The following CRMP1 variants were observed in gnomAD, a reference collection of about 807,000 sequenced individuals.
CRMP1 encodes collapsin response mediator protein 1.
CRMP1 carries 19 observed loss-of-function variants against 68.3 expected under a neutral mutation model. The observed-to-expected ratio is 0.28, with a 90% CI of 0.19 to 0.41. The LOEUF (loss-of-function observed/expected upper bound fraction) is 0.41. Ranked by LOEUF, CRMP1 falls within the 10% of genes least tolerant of loss-of-function variation. The pLI, the probability that CRMP1 is intolerant of heterozygous loss-of-function variation, is 1.00. For missense variants in CRMP1, 791 were observed against 967.4 expected (o/e 0.82, Z 2.42); for synonymous variants, 439 against 399.6 (o/e 1.10, Z -1.18).
chr4:5,844,190 G>C (rs1712009963), intron 6 of CRMP1, among the ~76,000 whole-genome samples: 1 of 152,164 alleles, frequency 6.6e-6, no homozygotes, highest in Non-Finnish European at 1.5e-5. Flanking sequence ...TAACAGCTGG[G>C]TAGATTGAAG....
chr4:5,847,187 A>G (rs538647219), intron 6 of CRMP1, among the ~76,000 whole-genome samples: 2 of 152,206 alleles, frequency 1.3e-5, no homozygotes, highest in East Asian at 1.9e-4. Flanking sequence ...CAGGTCCACC[A>G]CTGCATGTTG....
rs937649261 is a variant in CRMP1 at position 5,891,243 on chromosome 4, C to T, written c.381+1346G>A. Among the ~76,000 whole-genome samples, 1 of 148,414 alleles carries T rather than the reference C, an allele frequency of 6.7e-6. No individual in the cohort carries two copies. Among genetic ancestry groups the T allele is most frequent in the Non-Finnish European group, 1.5e-5 (1 of 66,724 alleles). ...GCTGTTGGACCTCTCCCTCGCGAGG[C>T]TCCGGCTTCAGGACCACGGAGAGCT... On this transcript the variant is annotated intron_variant, in intron 1 of 13. Transcript: ENST00000324989. This position sits in a 1 kb window ranked among gnomAD's most constrained non-coding sequence, Gnocchi z 5.2.
chr4:5,836,390 C>T (rs749719248), intron 10 of CRMP1, among the ~76,000 whole-genome samples: 7 of 152,182 alleles, frequency 4.6e-5, no homozygotes, highest in Non-Finnish European at 8.8e-5. Context: ...AGAGTGAGAC[C>T]CAGCTCTTCC....
At chr4:5,836,983 G>A (rs1394729942) in intron 9 of CRMP1, 77 bp from the exon 10 acceptor site, 1 of 1,480,512 alleles carries the variant, frequency 6.8e-7, no homozygotes, top group Non-Finnish European at 9.1e-7. Context: ...ACAGGTACAT[G>A]CAGCACAGCC....
intron 12 of CRMP1, among the ~76,000 whole-genome samples, chr4:5,827,044 C>A (rs1719746888): frequency 6.6e-6 from 1 of 152,210 alleles, no homozygotes; most frequent in Non-Finnish European, 1.5e-5. Flanking sequence ...TGGCCAGAGG[C>A]AGGCTCTGAT....
At chr4:5,851,754 A>AAGGAGGAGGATGAAG in intron 4 of CRMP1, among the ~76,000 whole-genome samples, 1 of 143,340 alleles carries the variant, frequency 7.0e-6, no homozygotes, top group Admixed American at 6.9e-5. Context: ...GGAAGAGGAG[A>AAGGAGGAGGATGAAG]AGGAGGAGGA....
chr4:5,870,195 T>C lies in CRMP1; in HGVS notation c.382-3439A>G, dbSNP rs1714341351. On this transcript the variant is annotated intron_variant, in intron 1 of 13. Transcript: ENST00000324989. This position sits in a 1 kb window ranked among gnomAD's most constrained non-coding sequence, Gnocchi z 6.0. ...ACTTGCTTTGGGCCCTGCTTGATGT[T>C]ACTTATCTGAGTGCCCTCCGCTCGA... Among the ~76,000 whole-genome samples the C allele has an allele frequency of 6.6e-6, 1 of 152,222 alleles. No individual in the cohort carries two copies. The highest frequency in any genetic ancestry group is 2.1e-4 in the South Asian group (1 of 4,820).
chr4:5,861,166 A>G lies in CRMP1; in HGVS notation c.515T>C (p.Ile172Thr), dbSNP rs1196992053. The change falls in exon 3 of 14, where the codon ATT (isoleucine) becomes ACT (threonine). Residue 172 changes from isoleucine to threonine, a missense_variant. This residue lies in a region of CRMP1 where 594 missense variants were observed against 763.6 expected (regional missense o/e 0.78). Transcript: ENST00000324989. This position sits in a 1 kb window ranked among gnomAD's most constrained non-coding sequence, Gnocchi z 6.0. The part of the protein sequence containing the change: ...NLIVPGGVKT[I>T]EANGRMVIPG... ...AATAACCATCCGCCCGTTGGCTTCA[A>G]TGGTCTTCACTCCACCAGGAACGAT... 1 of 1,614,088 alleles carries G rather than the reference A, an allele frequency of 6.2e-7. No individual in the cohort carries two copies. Among genetic ancestry groups the G allele is most frequent in the Non-Finnish European group, 8.5e-7 (1 of 1,180,040 alleles).
Position 5,860,118 on chromosome 4 carries a change from CT to C in CRMP1, c.655+907del, listed in dbSNP as rs1325122300. ...CTCACTGCCCGCAGTGTTTCCTTCC[CT>C]CCCCAACCTCACCAGGGCTCTCTGT... On this transcript the variant is annotated intron_variant, in intron 3 of 13. Transcript: ENST00000324989. This position sits in a 1 kb window ranked among gnomAD's most constrained non-coding sequence, Gnocchi z 4.2. Among the ~76,000 whole-genome samples, 1 of 152,126 alleles carries C rather than the reference CT, an allele frequency of 6.6e-6. No homozygotes were observed. The highest frequency in any genetic ancestry group is 1.9e-4 in the East Asian group (1 of 5,162).
intron 8 of CRMP1, among the ~76,000 whole-genome samples, 171 bp from the exon 9 acceptor site, chr4:5,839,849 C>T (rs980570154): frequency 4.6e-5 from 7 of 152,218 alleles, no homozygotes; most frequent in South Asian, 2.1e-4. Flanking sequence ...CTTGGGTGTC[C>T]GGGCCCAGCT....
Position 5,892,066 on chromosome 4 carries a change from C to T in CRMP1, c.381+523G>A, listed in dbSNP as rs867250316. Among the ~76,000 whole-genome samples, 1 of 152,236 alleles carries T rather than the reference C, an allele frequency of 6.6e-6. No homozygotes were observed. The highest frequency in any genetic ancestry group is 2.1e-4 in the South Asian group (1 of 4,824). Reference sequence around the variant, plus strand: ...CCCCAGCAAGCATGAGGGGAGCGCTCGGAAAAAAAGCTCCTTCCAGCTTTA... The same window carrying T: ...CCCCAGCAAGCATGAGGGGAGCGCTTGGAAAAAAAGCTCCTTCCAGCTTTA... On this transcript the variant is annotated intron_variant, in intron 1 of 13. Transcript: ENST00000324989. The surrounding 1 kb of genome is among the most constrained non-coding windows in gnomAD (Gnocchi z 8.6).
chr4:5,871,190 T>A (rs1714412617), intron 1 of CRMP1, among the ~76,000 whole-genome samples: 1 of 152,112 alleles, frequency 6.6e-6, no homozygotes, highest in South Asian at 2.1e-4. Context: ...TCTGAAAAAA[T>A]AAGCCCACAG....
chr4:5,840,429 C>G (rs541345144), intron 8 of CRMP1, among the ~76,000 whole-genome samples: 2 of 152,328 alleles, frequency 1.3e-5, no homozygotes, highest in East Asian at 3.9e-4. Flanking sequence ...CCCGAGACCC[C>G]CTGCTGCCCT....
At chr4:5,835,186 G>A (rs1417617890) in intron 11 of CRMP1, among the ~76,000 whole-genome samples, 1 of 152,226 alleles carries the variant, frequency 6.6e-6, no homozygotes, top group African/African-American at 2.4e-5. Context: ...ACTACTTCTG[G>A]CCTGTGTGCT....
chr4:5,856,837 A>C (rs1713107861), intron 3 of CRMP1, among the ~76,000 whole-genome samples: 1 of 146,012 alleles, frequency 6.8e-6, no homozygotes, highest in African/African-American at 2.6e-5. Context: ...ATCCACTATT[A>C]TCACCACTAT....
At chr4:5,829,358 C>T (rs970565290) in intron 11 of CRMP1, among the ~76,000 whole-genome samples, 1 of 152,144 alleles carries the variant, frequency 6.6e-6, no homozygotes, top group Non-Finnish European at 1.5e-5. Flanking sequence ...CACTGCACTC[C>T]AGCCTGGGGG....
rs1225976512 is a variant in CRMP1, at chr4:5,893,078, C to A, written c.-109G>T. 6 of 768,576 alleles carry A rather than the reference C, an allele frequency of 7.8e-6. No individual in the cohort carries two copies. The Admixed American group carries it at 3.2e-4, about 41-fold the overall frequency. The allele number at this position is 768,576 out of a possible 1,614,324, so 47.6% of individuals were successfully genotyped here. A position where few individuals can be genotyped will look rare whatever the true frequency, so the allele number is the denominator to read the frequency against. ...CGGTGCGGGCCTGCGGCGGCCCGGG[C>A]GCGACTGCGGCCCAGGGAGGGGAGG... On this transcript the variant is annotated 5_prime_UTR_variant, in exon 1 of 14. Transcript: ENST00000324989.
chr4:5,821,794 G>C lies in CRMP1; in HGVS notation c.2027C>G (p.Pro676Arg). The stretch of plus-strand genomic sequence containing the variant: ...GCTGGTGATGTTGGAGCGGCCACCA[G>C]GGGGCGCCACGATGCGGTGGCCGGT... ...RRTGHRIVAP[P>R]GGRSNITSLG is the part of the protein sequence containing the mutation. The change falls in exon 14 of 14, where the codon CCT becomes CGT. Residue 676 changes from proline (P) to arginine (R), a missense_variant. Physicochemically the swap from Pro to Arg is moderately radical, Grantham distance 103. This residue lies in a region of CRMP1 where 594 missense variants were observed against 763.6 expected (regional missense o/e 0.78). Coordinates refer to ENST00000324989, the MANE Select transcript of CRMP1 (RefSeq NM_001014809.3). The surrounding 1 kb of genome is among the most constrained non-coding windows in gnomAD (Gnocchi z 4.4). 2 of 1,610,972 alleles carry C rather than the reference G, an allele frequency of 1.2e-6. No homozygotes were observed. Among genetic ancestry groups the C allele is most frequent in the Non-Finnish European group, 8.5e-7 (1 of 1,178,798 alleles).
intron 3 of CRMP1, among the ~76,000 whole-genome samples, chr4:5,857,316 T>C (rs1179791208): frequency 6.6e-6 from 1 of 151,350 alleles, no homozygotes; most frequent in African/African-American, 2.4e-5. Flanking sequence ...ATCACCATCA[T>C]CATCATCCCT....
Sources: gnomAD v4.1 joint callset for allele counts (sites outside exome capture counted in the v4.1 genomes callset) on GRCh38, gnomAD v4.1.1 for gene constraint, gnomAD v4.1.1 regional missense constraint, Gnocchi (gnomAD v3.1) non-coding constraint, MANE v1.5 for transcripts, NCBI Gene and HGNC (gene_info 2026-07-23, HGNC 2026-07-21) for gene names.